Variants in ELN observed in about 807,000 individuals in gnomAD.
ELN encodes the protein tropoelastin.
ELN carries 65 observed loss-of-function variants against 105.8 expected under a neutral mutation model. The ratio of observed to expected loss-of-function variants is 0.61; its 90% CI spans 0.50 to 0.75. The LOEUF (loss-of-function observed/expected upper bound fraction) is 0.75. Among genes scored for constraint, ELN ranks in the 30% least tolerant of loss-of-function variants. ELN has a pLI of 0.00. For missense variants in ELN, 882 were observed against 969.4 expected, an observed-to-expected ratio of 0.91 and a Z score of 1.20; for synonymous variants, 368 against 389.2, an observed-to-expected ratio of 0.95 and a Z score of 0.64.
chr7:74,049,810 A>G (rs1276883747), intron 15 of ELN, among the ~76,000 whole-genome samples: 1 of 148,990 alleles, frequency 6.7e-6, no homozygotes, highest in Non-Finnish European at 1.5e-5. Context: ...CCATGCATCC[A>G]TTCCTCCATG....
Position 74,060,586 on chromosome 7 carries a change from C to T in ELN, c.1747+85C>T, listed in dbSNP as rs782601175. ...TCCTCTCAGCACCTCCCCAGCACCCCCTCATCACCCAGGGGTGCATAGTAA... is the reference window on the plus strand; with the variant it reads ...TCCTCTCAGCACCTCCCCAGCACCCTCTCATCACCCAGGGGTGCATAGTAA... On this transcript the variant is annotated intron_variant, in intron 25 of 32. Transcript: ENST00000252034. 11 of 1,602,452 alleles carry T rather than the reference C, an allele frequency of 6.9e-6. No individual in the cohort carries two copies. The highest frequency in any genetic ancestry group is 1.3e-5 in the African/African-American group (1 of 74,880).
At chr7:74,050,082 CATCCATCT>C (rs1793653378) in intron 15 of ELN, among the ~76,000 whole-genome samples, 1 of 151,478 alleles carries the variant, frequency 6.6e-6, no homozygotes, top group Non-Finnish European at 1.5e-5. Context: ...TCCATCCATC[CATCCATCT>C]ATTCCTCCAT....
intron 32 of ELN, 131 bp downstream of exon 32, chr7:74,066,907 A>C: frequency 5.5e-6 from 5 of 901,316 alleles, no homozygotes; most frequent in African/African-American, 1.6e-5. Context: ...CTCAGGTCAC[A>C]CGAGGCTGGA....
intron 17 of ELN, chr7:74,052,823 A>AAGAGGGAGGGAGGGAGAG: frequency 3.3e-6 from 1 of 299,948 alleles, no homozygotes; most frequent in South Asian, 4.3e-5. Flanking sequence ...GGAAAAAGAA[A>AAGAGGGAGGGAGGGAGAG]AGAGGGAGGG....
intron 5 of ELN, among the ~76,000 whole-genome samples, 166 bp from the exon 6 acceptor site, chr7:74,042,448 C>T (rs1269297679): frequency 6.6e-6 from 1 of 151,802 alleles, no homozygotes; most frequent in Non-Finnish European, 1.5e-5. Flanking sequence ...AAATCCATTA[C>T]CGGTGAGCAG....
chr7:74,041,330 G>A lies in ELN; in HGVS notation c.232+79G>A, dbSNP rs547658860. On this transcript the variant is annotated intron_variant, in intron 5 of 32. Transcript: ENST00000252034. ...CAACCCAGGGCTGGTATGCAGCACG[G>A]TCATGGAACAAGGGTGCAGGCCAGG... 1.6e-5 allele frequency: 26 copies of A among 1,581,682 alleles called. No homozygotes were observed. In the East Asian group the frequency reaches 5.8e-4, roughly 35 times the overall value.
chr7:74,056,444 T>G lies in ELN; in HGVS notation c.1315+9T>G. 6.2e-7 allele frequency: 1 copy of G among 1,613,408 alleles called. No homozygotes were observed. Among genetic ancestry groups the G allele is most frequent in the Non-Finnish European group, 8.5e-7 (1 of 1,179,614 alleles). On this transcript the variant is annotated intron_variant, in intron 20 of 32. Coordinates refer to ENST00000252034, the MANE Select transcript of ELN (RefSeq NM_000501.4). The stretch of plus-strand genomic sequence containing the variant: ...GGGAGTTGGCATTTCCCGTGAGCCT[T>G]AGTCACACCTGGGGACATGGGTTGA...
rs1554684189 is a variant in ELN, at chr7:74,061,106, G to A, written c.1753G>A (p.Gly585Arg). ...CAACTTTTCTTTCTCCCCAGTACCTGGAGCCCTGGCTGCCGCTAAAGCAGC... is the reference window on the plus strand; with the variant it reads ...CAACTTTTCTTTCTCCCCAGTACCTAGAGCCCTGGCTGCCGCTAAAGCAGC... ...AGVPGFGAVP[G>R]ALAAAKAAKY... The change falls in exon 26 of 33, where the codon GGA (glycine) becomes AGA (arginine). Residue 585 changes from glycine to arginine, a missense_variant. Transcript: ENST00000252034. 6.2e-7 allele frequency: 1 copy of A among 1,613,996 alleles called. No individual in the cohort carries two copies. The highest frequency in any genetic ancestry group is 8.5e-7 in the Non-Finnish European group (1 of 1,180,050).
In ELN at chr7:74,064,423, A is replaced by ATAT. The variant is rs1554687739; in HGVS notation, c.1993+728_1993+729insTAT. ...GAGCGAGACTCCGTCTCAAAAAAAAAATATATATATATATATATATATGTA... is the reference window on the plus strand; with the variant it reads ...GAGCGAGACTCCGTCTCAAAAAAAAATATATATATATATATATATATATATGTA... On this transcript the variant is annotated intron_variant, in intron 29 of 32. Coordinates refer to ENST00000252034, the MANE Select transcript of ELN (RefSeq NM_000501.4). Among the ~76,000 whole-genome samples the ATAT allele has an allele frequency of 5.8e-3, 775 of 133,116 alleles. 2 individuals are homozygous for ATAT. The highest frequency in any genetic ancestry group is 7.9e-3 in the Middle Eastern group (2 of 254). 87.3% of individuals were successfully genotyped at this position (133,116 alleles called of 152,430 possible).
At position 74,028,274 on chromosome 7, in the gene ELN, GGACCCCTCGCCCCTGTCCCCAGCGCT is replaced by G; in HGVS notation, c.82+7_82+32del. 6.2e-7 allele frequency: 1 copy of G among 1,605,136 alleles called. No homozygotes were observed. The highest frequency in any genetic ancestry group is 2.2e-5 in the East Asian group (1 of 44,702). On this transcript the variant is annotated splice_donor_region_variant and intron_variant, in intron 1 of 32. Transcript: ENST00000252034. ...TCCACCCCTCTCGGCCTGGAGGTAA[GGACCCCTCGCCCCTGTCCCCAGCGCT>G]GCCCACAGCTGCGGGCCCTTTGGGC...
chr7:74,033,862 C>G (rs1554663953), intron 1 of ELN, among the ~76,000 whole-genome samples: 1 of 152,178 alleles, frequency 6.6e-6, no homozygotes, highest in African/African-American at 2.4e-5. Context: ...TGGGCTGGGG[C>G]GTTGGCAAGG....
intron 8 of ELN, 99 bp from the exon 9 acceptor site, chr7:74,043,774 AGGCTGT>A (rs1482278718): frequency 4.2e-6 from 6 of 1,418,690 alleles, no homozygotes; most frequent in Non-Finnish European, 4.9e-6. Context: ...TCGGGCACAG[AGGCTGT>A]GGGTTTGAGG....
In ELN at chr7:74,063,598, C is replaced by T. The variant is rs1480091271; in HGVS notation, c.1919-23C>T. On this transcript the variant is annotated intron_variant, in intron 28 of 32. Transcript: ENST00000252034. The surrounding 1 kb of genome is among the most constrained non-coding windows in gnomAD (Gnocchi z 4.1). ...GTCCCACCTTTCTGACCAGCGGAGT[C>T]TAATGCTCAGCTGTCTCCACAGGCC... is the stretch of plus-strand genomic sequence containing the variant. 1 of 1,614,026 alleles carries T rather than the reference C, an allele frequency of 6.2e-7. No individual in the cohort carries two copies. Among genetic ancestry groups the T allele is most frequent in the African/African-American group, 1.3e-5 (1 of 74,934 alleles).
At chr7:74,062,742 G>C (rs1563865634) in intron 26 of ELN, among the ~76,000 whole-genome samples, 1 of 152,120 alleles carries the variant, frequency 6.6e-6, no homozygotes, top group South Asian at 2.1e-4. Flanking sequence ...GTAGAAACAG[G>C]GTTTCACCGT....
At chr7:74,038,668 G>A (rs1467804170) in intron 4 of ELN, among the ~76,000 whole-genome samples, 2 of 152,210 alleles carry the variant, frequency 1.3e-5, no homozygotes, top group East Asian at 3.9e-4. Flanking sequence ...CTCCACATGT[G>A]ACTTTGGCCG....
Position 74,053,262 on chromosome 7 carries a change from G to A in ELN, c.1049G>A (p.Gly350Glu), listed in dbSNP as rs1431908343. ...GVPGVGVPGA[G>E]IPVVPGAGIP... ...CCAGGTGTTGGTGTCCCAGGAGCTG[G>A]GATTCCAGTTGTCCCAGGTGCTGGG... Residue 350 changes from glycine (G) to glutamate (E), a missense_variant, in exon 18 of 33, where the codon GGG becomes GAG. By Grantham distance (98) the Gly-to-Glu change is moderately conservative. Coordinates refer to ENST00000252034, the MANE Select transcript of ELN (RefSeq NM_000501.4). 3.0e-5 allele frequency: 49 copies of A among 1,613,868 alleles called. No homozygotes were observed. Among genetic ancestry groups the A allele is most frequent in the Non-Finnish European group, 4.1e-5 (48 of 1,180,008 alleles).
intron 32 of ELN, among the ~76,000 whole-genome samples, chr7:74,067,203 G>A (rs1278904062): frequency 2.0e-5 from 3 of 151,942 alleles, no homozygotes; most frequent in Admixed American, 6.6e-5. Context: ...GGTGGATCAC[G>A]AGGTCAGGAG....
intron 23 of ELN, 27 bp downstream of exon 23, chr7:74,060,074 A>G: frequency 1.2e-6 from 2 of 1,614,060 alleles, no homozygotes; most frequent in Non-Finnish European, 1.7e-6. Context: ...AATGAGCCTG[A>G]GGGGCCCCCG....
At chr7:74,056,521 G>A (rs1795264421) in intron 20 of ELN, 86 bp downstream of exon 20, 1 of 1,607,014 alleles carries the variant, frequency 6.2e-7, no homozygotes, top group Non-Finnish European at 8.5e-7. Context: ...AGTGGGGACT[G>A]TAGATCGGGC....
Sources: gnomAD v4.1 joint callset for allele counts (sites outside exome capture counted in the v4.1 genomes callset) on GRCh38, gnomAD v4.1.1 for gene constraint, Gnocchi (gnomAD v3.1) non-coding constraint, MANE v1.5 for transcripts, NCBI Gene and HGNC (gene_info 2026-07-23, HGNC 2026-07-21) for gene names.